The following ZNF653 variants were observed in gnomAD, a reference collection of about 807,000 sequenced individuals.
The protein encoded by ZNF653 is 67 kDa zinc finger protein.
Under a neutral mutation model 59.9 loss-of-function variants are expected in ZNF653, and 37 were observed. That is an observed-to-expected ratio of 0.62 (90% CI 0.48 to 0.81). ZNF653 has a LOEUF of 0.81. Among genes scored for constraint, ZNF653 ranks in the 40% least tolerant of loss-of-function variants. The pLI, the probability that ZNF653 is intolerant of heterozygous loss-of-function variation, is 0.00. For missense variants in ZNF653, 808 were observed against 881.1 expected, an observed-to-expected ratio of 0.92 and a Z score of 1.05; for synonymous variants, 435 against 371.8, an observed-to-expected ratio of 1.17 and a Z score of -1.96.
At position 11,498,311 on chromosome 19, in the gene ZNF653, G is replaced by T. The variant is rs1228195129; in HGVS notation, c.328C>A (p.Pro110Thr). ...CTCCACTTACTTTTCTTCCGCTTTG[G>T]CTTTTTGGGGACCTGCTCCCAAGGC... ...GKPWEQVPKKPKRKKRRRRNV... is the reference protein window; with the variant it reads ...GKPWEQVPKKTKRKKRRRRNV... The change falls in exon 2 of 9, where the codon CCA becomes ACA. Residue 110 changes from proline (P) to threonine (T), a missense_variant. Coordinates refer to ENST00000293771, the MANE Select transcript of ZNF653 (RefSeq NM_138783.4). 1 of 1,614,096 alleles carries T rather than the reference G, an allele frequency of 6.2e-7. No individual in the cohort carries two copies. The highest frequency in any genetic ancestry group is 1.1e-5 in the South Asian group (1 of 91,086).
chr19:11,496,764 G>A (rs1971593299), intron 2 of ZNF653, among the ~76,000 whole-genome samples: 1 of 152,250 alleles, frequency 6.6e-6, no homozygotes. Context: ...CTACTTGGGA[G>A]GCTGAGGTAG....
intron 1 of ZNF653, among the ~76,000 whole-genome samples, chr19:11,501,303 T>C (rs911306222): frequency 2.6e-5 from 4 of 151,822 alleles, no homozygotes; most frequent in African/African-American, 9.7e-5. Flanking sequence ...CTCAGCCTCC[T>C]GAGTAGCTGG....
chr19:11,496,182 G>A lies in ZNF653; in HGVS notation c.344-17C>T, dbSNP rs377008499. On this transcript the variant is annotated splice_polypyrimidine_tract_variant and intron_variant, in intron 2 of 8. Transcript: ENST00000293771. ...GTCGCCGCCCTATGGACACAGGGCCGAGGAGTGGGTATAAGGGACAGGGCT... is the reference window on the plus strand; with the variant it reads ...GTCGCCGCCCTATGGACACAGGGCCAAGGAGTGGGTATAAGGGACAGGGCT... 1.1e-4 allele frequency: 183 copies of A among 1,611,212 alleles called. No individual in the cohort carries two copies. The highest frequency in any genetic ancestry group is 6.6e-4 in the Middle Eastern group (4 of 6,062).
chr19:11,500,456 T>C (rs999998946), intron 1 of ZNF653, among the ~76,000 whole-genome samples: 1 of 152,186 alleles, frequency 6.6e-6, no homozygotes, highest in Non-Finnish European at 1.5e-5. Flanking sequence ...TGCCTCAGCC[T>C]CCTGAGTAGC....
At position 11,496,170 on chromosome 19, in the gene ZNF653, G is replaced by A. The variant is rs1255306189; in HGVS notation, c.344-5C>T. ...AGTTCACGTTGCGTCGCCGCCCTAT[G>A]GACACAGGGCCGAGGAGTGGGTATA... On this transcript the variant is annotated splice_polypyrimidine_tract_variant and splice_region_variant and intron_variant, in intron 2 of 8. Transcript: ENST00000293771. 4 of 1,613,048 alleles carry A rather than the reference G, an allele frequency of 2.5e-6. No individual in the cohort carries two copies. Among genetic ancestry groups the A allele is most frequent in the Non-Finnish European group, 3.4e-6 (4 of 1,179,906 alleles).
intron 2 of ZNF653, among the ~76,000 whole-genome samples, chr19:11,497,507 G>A (rs140991289): frequency 1.0e-3 from 157 of 152,330 alleles, no homozygotes; most frequent in African/African-American, 3.6e-3. Flanking sequence ...ATCCCGGAGG[G>A]CTGCCAGGCA....
rs966504434 is a variant in ZNF653, at chr19:11,495,831, T to TGCCAGA, written c.559+113_559+118dup. On this transcript the variant is annotated intron_variant, in intron 3 of 8. Transcript: ENST00000293771. The surrounding 1 kb of genome is among the most constrained non-coding windows in gnomAD (Gnocchi z 4.9). The stretch of plus-strand genomic sequence containing the variant: ...CCATCGTGTCCCTGCTCTGCCCCAG[T>TGCCAGA]GCCAGAGCCAGAGCCAGAGCCACTG... 1.8e-5 allele frequency: 19 copies of TGCCAGA among 1,082,134 alleles called. No homozygotes were observed. In the East Asian group the frequency reaches 2.6e-4, roughly 15 times the overall value. The allele number at this position is 1,082,134 out of a possible 1,614,324, so 67.0% of individuals were successfully genotyped here. A position where few individuals can be genotyped will look rare whatever the true frequency, so the allele number is the denominator to read the frequency against.
rs761276915 is a variant in ZNF653 at position 11,496,215 on chromosome 19, TG to T, written c.344-51del. The T allele has an allele frequency of 2.5e-6, 4 of 1,571,232 alleles. No individual in the cohort carries two copies. In the South Asian group the frequency reaches 4.5e-5, roughly 18 times the overall value. On this transcript the variant is annotated intron_variant, in intron 2 of 8. Transcript: ENST00000293771. ...GGTATAAGGGACAGGGCTCAGCCCATGGTGACATGGCTGCCTGAACCACCGG... is the reference window on the plus strand; with the variant it reads ...GGTATAAGGGACAGGGCTCAGCCCATGTGACATGGCTGCCTGAACCACCGG...
chr19:11,503,450 G>GT (rs946617775), intron 1 of ZNF653, among the ~76,000 whole-genome samples: 24 of 152,160 alleles, frequency 1.6e-4, no homozygotes, highest in African/African-American at 5.8e-4. Context: ...TTTCACTTTT[G>GT]TTTTTTCCGT....
intron 3 of ZNF653, among the ~76,000 whole-genome samples, chr19:11,494,642 C>T (rs1032787801): frequency 4.6e-5 from 7 of 152,062 alleles, no homozygotes; most frequent in Non-Finnish European, 8.8e-5. Flanking sequence ...GAGCCGAGAT[C>T]GCGCCATTGC....
In ZNF653 at chr19:11,495,179, G is replaced by T. The variant is rs1331242299; in HGVS notation, c.559+771C>A. Among the ~76,000 whole-genome samples, 1 of 152,134 alleles carries T rather than the reference G, an allele frequency of 6.6e-6. No homozygotes were observed. Among genetic ancestry groups the T allele is most frequent in the Non-Finnish European group, 1.5e-5 (1 of 68,022 alleles). ...CAGTGTGCCCTACGCTCCTTCTCCAGCCATTGCCGAACCCCTGAGGCTGCC... is the reference window on the plus strand; with the variant it reads ...CAGTGTGCCCTACGCTCCTTCTCCATCCATTGCCGAACCCCTGAGGCTGCC... On this transcript the variant is annotated intron_variant, in intron 3 of 8. Coordinates refer to ENST00000293771, the MANE Select transcript of ZNF653 (RefSeq NM_138783.4). The surrounding 1 kb of genome is among the most constrained non-coding windows in gnomAD (Gnocchi z 4.9).
At chr19:11,505,418 G>GGGCGGGGTAAAGCCC (rs1368532598) in intron 1 of ZNF653, 70 bp downstream of exon 1, 18 of 1,345,876 alleles carry the variant, frequency 1.3e-5, no homozygotes, top group Non-Finnish European at 1.6e-5. Flanking sequence ...GAAGCGGAGG[G>GGGCGGGGTAAAGCCC]GGCGGGGTAA....
chr19:11,486,952 C>T (rs774099953), intron 5 of ZNF653, 35 bp downstream of exon 5: 1 of 1,611,458 alleles, frequency 6.2e-7, no homozygotes, highest in South Asian at 1.1e-5. Context: ...CCGCTTCTAG[C>T]CCTCGCCCTC....
At chr19:11,494,731 T>C (rs1971566927) in intron 3 of ZNF653, among the ~76,000 whole-genome samples, 4 of 152,070 alleles carry the variant, frequency 2.6e-5, no homozygotes, top group South Asian at 4.1e-4. Context: ...AAAAGTTGAG[T>C]TGGGGCGTAA....
At chr19:11,484,555 G>A (rs1971445140) in intron 7 of ZNF653, among the ~76,000 whole-genome samples, 2 of 151,956 alleles carry the variant, frequency 1.3e-5, no homozygotes, top group African/African-American at 4.8e-5. Flanking sequence ...TTACAGGCAT[G>A]TGCCACCAAC....
chr19:11,501,858 G>A (rs555132313), intron 1 of ZNF653, among the ~76,000 whole-genome samples: 9 of 152,140 alleles, frequency 5.9e-5, no homozygotes, highest in South Asian at 4.1e-4. Context: ...GCGGTGGCAC[G>A]ATCTTGGCTC....
At chr19:11,490,303 G>A (rs374915203) in intron 3 of ZNF653, among the ~76,000 whole-genome samples, 21 of 152,168 alleles carry the variant, frequency 1.4e-4, no homozygotes, top group African/African-American at 4.8e-5. Context: ...TGCCCTCTCC[G>A]GGGGTACCAC....
At position 11,495,133 on chromosome 19, in the gene ZNF653, C is replaced by G. The variant is rs1321037863; in HGVS notation, c.559+817G>C. ...TCAGCCCTGGTGACCGCCCCACCCTCAGCCCTGACAGGACGCCTGGCAGTG... is the reference window on the plus strand; with the variant it reads ...TCAGCCCTGGTGACCGCCCCACCCTGAGCCCTGACAGGACGCCTGGCAGTG... On this transcript the variant is annotated intron_variant, in intron 3 of 8. Coordinates refer to ENST00000293771, the MANE Select transcript of ZNF653 (RefSeq NM_138783.4). This position sits in a 1 kb window ranked among gnomAD's most constrained non-coding sequence, Gnocchi z 4.9. Among the ~76,000 whole-genome samples the G allele has an allele frequency of 6.6e-6, 1 of 152,178 alleles. No homozygotes were observed. Among genetic ancestry groups the G allele is most frequent in the Non-Finnish European group, 1.5e-5 (1 of 68,026 alleles).
intron 3 of ZNF653, among the ~76,000 whole-genome samples, chr19:11,490,818 C>A (rs1265619932): frequency 1.3e-5 from 2 of 152,158 alleles, no homozygotes; most frequent in African/African-American, 4.8e-5. Flanking sequence ...GTCTCACAGG[C>A]ATCTCAAACT....
Sources: gnomAD v4.1 joint callset for allele counts (sites outside exome capture counted in the v4.1 genomes callset) on GRCh38, gnomAD v4.1.1 for gene constraint, Gnocchi (gnomAD v3.1) non-coding constraint, MANE v1.5 for transcripts, NCBI Gene and HGNC (gene_info 2026-07-23, HGNC 2026-07-21) for gene names.